The following SSBP3 variants were observed in gnomAD, a reference collection of about 807,000 sequenced individuals.
The protein encoded by SSBP3 is single stranded DNA binding protein 3, also known as single-stranded DNA-binding protein 3.
In SSBP3, 5 loss-of-function variants were observed where a neutral mutation model predicts 69.6. The ratio of observed to expected loss-of-function variants is 0.07; its 90% CI spans 0.04 to 0.15. SSBP3 has a LOEUF of 0.15. Ranked by LOEUF, SSBP3 falls within the 10% of genes least tolerant of loss-of-function variation. The probability of loss-of-function intolerance (pLI) is 1.00; values close to 1 mark genes in which losing one functional copy is unlikely to be tolerated. For missense variants in SSBP3, 312 were observed against 534.0 expected, an observed-to-expected ratio of 0.58 and a Z score of 4.10; for synonymous variants, 196 against 193.4, an observed-to-expected ratio of 1.01 and a Z score of -0.11.
Position 54,237,268 on chromosome 1 carries a change from G to C in SSBP3, c.927+1861C>G, listed in dbSNP as rs1570211158. Reference sequence around the variant, plus strand: ...TGTTACTGAAAGTCCCTCGTCCTTTGGTTCACACACAGGACTTTTAGTTTG... The same window carrying C: ...TGTTACTGAAAGTCCCTCGTCCTTTCGTTCACACACAGGACTTTTAGTTTG... On this transcript the variant is annotated intron_variant, in intron 14 of 17. Transcript: ENST00000610401. The C allele has an allele frequency of 2.6e-5, 4 of 152,280 alleles. 1 individual carries two copies. The highest frequency in any genetic ancestry group is 2.6e-4 in the Admixed American group (4 of 15,302). The allele number at this position is 152,280 out of a possible 1,614,324, so 9.4% of individuals were successfully genotyped here.
chr1:54,240,475 G>T (rs1212673710), intron 13 of SSBP3, among the ~76,000 whole-genome samples: 1 of 98,952 alleles, frequency 1.0e-5, no homozygotes, highest in East Asian at 3.4e-4. Context: ...AAAAAAAAGG[G>T]GGGGGGGGCG....
At chr1:54,378,886 T>A (rs1335210566) in intron 4 of SSBP3, among the ~76,000 whole-genome samples, 1 of 152,120 alleles carries the variant, frequency 6.6e-6, no homozygotes, top group Non-Finnish European at 1.5e-5. Flanking sequence ...CCCCATTTAG[T>A]CAAATATTTC....
intron 4 of SSBP3, among the ~76,000 whole-genome samples, chr1:54,385,902 C>T (rs1648043980): frequency 6.6e-6 from 1 of 152,148 alleles, no homozygotes; most frequent in African/African-American, 2.4e-5. Flanking sequence ...GTTCTCTGCA[C>T]CTTGGTTCCC....
At chr1:54,289,024 A>AC (rs1645547969) in intron 4 of SSBP3, among the ~76,000 whole-genome samples, 1 of 90,264 alleles carries the variant, frequency 1.1e-5, no homozygotes, top group Non-Finnish European at 2.1e-5. Context: ...TGTCTCCAAA[A>AC]AAAAAAAAAA....
rs150572000 is a variant in SSBP3, at chr1:54,264,684, C to T, written c.367-6535G>A. 2.2e-3 allele frequency among the ~76,000 whole-genome samples: 339 copies of T among 152,318 alleles called. 1 individual carries two copies. The highest frequency in any genetic ancestry group is 5.7e-3 in the African/African-American group (235 of 41,572). On this transcript the variant is annotated intron_variant, in intron 5 of 17. Transcript: ENST00000610401. Reference sequence around the variant, plus strand: ...TAGGCTATGATTCTCTCACGGGTCACGAAAGCTGTGAGAGTTCTCTGTAAA... The same window carrying T: ...TAGGCTATGATTCTCTCACGGGTCATGAAAGCTGTGAGAGTTCTCTGTAAA...
intron 6 of SSBP3, 119 bp from the exon 7 acceptor site, chr1:54,257,305 C>A: frequency 1.2e-6 from 1 of 862,200 alleles, no homozygotes; most frequent in Non-Finnish European, 1.7e-6. Flanking sequence ...TAAGTTCTTT[C>A]TCCTGCTAGC....
At chr1:54,409,660 A>C (rs749964022), upstream of SSBP3, among the ~76,000 whole-genome samples, 4 of 152,136 alleles carry the variant, frequency 2.6e-5, no homozygotes, top group African/African-American at 9.7e-5. Context: ...CTGTACTTTC[A>C]GTTTCCAGAA....
intron 4 of SSBP3, among the ~76,000 whole-genome samples, chr1:54,348,716 GC>G (rs955729461): frequency 3.3e-5 from 5 of 152,238 alleles, no homozygotes; most frequent in Admixed American, 2.6e-4. Context: ...TCATGGGGCA[GC>G]GGGGCAGATG....
chr1:54,365,290 C>A (rs1445137847), intron 4 of SSBP3, among the ~76,000 whole-genome samples: 3 of 152,130 alleles, frequency 2.0e-5, no homozygotes, highest in African/African-American at 7.2e-5. Context: ...GCCACAGGTA[C>A]GACAGGGTGA....
intron 5 of SSBP3, among the ~76,000 whole-genome samples, chr1:54,267,531 G>A (rs1645123128): frequency 4.6e-5 from 7 of 152,206 alleles, no homozygotes; most frequent in Admixed American, 3.3e-4. Context: ...ATTTAGGCAG[G>A]ACTTGCAGAA....
At chr1:54,238,651 CA>C (rs1213007786) in intron 14 of SSBP3, 8 of 315,324 alleles carry the variant, frequency 2.5e-5, no homozygotes. Flanking sequence ...AAGAAGCTGC[CA>C]GGTATTGGGA....
chr1:54,333,326 G>A (rs1646453330), intron 4 of SSBP3, among the ~76,000 whole-genome samples: 1 of 152,158 alleles, frequency 6.6e-6, no homozygotes. Context: ...AGTCAGGAGA[G>A]CAGATGCCTC....
At chr1:54,399,978 C>A (rs1649178773) in intron 4 of SSBP3, among the ~76,000 whole-genome samples, 2 of 152,108 alleles carry the variant, frequency 1.3e-5, no homozygotes, top group African/African-American at 4.8e-5. Context: ...GTTTTTACAC[C>A]CCACACATAT....
At chr1:54,323,120 A>G (rs181143667) in intron 4 of SSBP3, among the ~76,000 whole-genome samples, 2 of 152,186 alleles carry the variant, frequency 1.3e-5, no homozygotes, top group Admixed American at 6.5e-5. Flanking sequence ...GGGCCCTTCA[A>G]TCTCCCACTT....
At chr1:54,278,454 T>G (rs934849207) in intron 5 of SSBP3, among the ~76,000 whole-genome samples, 2 of 152,054 alleles carry the variant, frequency 1.3e-5, no homozygotes, top group Non-Finnish European at 2.9e-5. Context: ...CTTGGAAACC[T>G]GGACGTGGAA....
chr1:54,299,003 G>A (rs1248678446), intron 4 of SSBP3, among the ~76,000 whole-genome samples: 2 of 148,874 alleles, frequency 1.3e-5, no homozygotes, highest in Non-Finnish European at 3.0e-5. Flanking sequence ...GATAGGCATG[G>A]AGATACAAAC....
At chr1:54,254,404 G>A (rs988462349) in intron 7 of SSBP3, among the ~76,000 whole-genome samples, 4 of 152,176 alleles carry the variant, frequency 2.6e-5, no homozygotes, top group Non-Finnish European at 5.9e-5. Flanking sequence ...TCCTAAACCC[G>A]GCTGAACTCC....
In SSBP3 at chr1:54,413,203, G is replaced by A. The variant is rs1038198561; in HGVS notation, c.-275+153C>T. 4 of 152,038 alleles carry A rather than the reference G, an allele frequency of 2.6e-5. No individual in the cohort carries two copies. The East Asian group carries it at 5.8e-4, about 22-fold the overall frequency. 9.4% of individuals were successfully genotyped at this position (152,038 alleles called of 1,614,324 possible). On this transcript the variant is annotated intron_variant, in intron 1 of 8. Coordinates refer to the SSBP3 transcript ENST00000525990. ...TCTCCTGGTTTTCCCTCTTCCTCTC[G>A]GGCTATTCTTCCTGTTATCCTTTAA...
intron 4 of SSBP3, among the ~76,000 whole-genome samples, chr1:54,383,195 A>G (rs1413738923): frequency 6.6e-6 from 1 of 151,444 alleles, no homozygotes; most frequent in Non-Finnish European, 1.5e-5. Flanking sequence ...GCAACACAGT[A>G]AAACCCCATC....
Sources: allele counts gnomAD v4.1 joint callset (sites outside exome capture counted in the v4.1 genomes callset), GRCh38; gene constraint gnomAD v4.1.1; transcripts MANE v1.5; gene names NCBI Gene and HGNC (gene_info 2026-07-23, HGNC 2026-07-21).